The following PPP1R12A variants were observed in gnomAD, a reference collection of about 807,000 sequenced individuals.
The protein encoded by PPP1R12A is myosin binding subunit.
PPP1R12A carries 19 observed loss-of-function variants against 139.6 expected under a neutral mutation model. The ratio of observed to expected loss-of-function variants is 0.14; its 90% confidence interval spans 0.09 to 0.20. PPP1R12A has a LOEUF of 0.20. Among genes scored for constraint, PPP1R12A ranks in the 10% least tolerant of loss-of-function variants. The pLI is 1.00. For synonymous variants in PPP1R12A, 427 were observed against 420.6 expected, an observed-to-expected ratio of 1.02 and a Z score of -0.19; for missense variants, 925 against 1,211.5, an observed-to-expected ratio of 0.76 and a Z score of 3.51.
At chr12:79,840,633 T>C (rs189728808) in intron 3 of PPP1R12A, among the ~76,000 whole-genome samples, 45 of 152,336 alleles carry the variant, frequency 3.0e-4, no homozygotes, top group Non-Finnish European at 6.2e-4. Context: ...CATATCTGCA[T>C]TCAATTCTTT....
intron 4 of PPP1R12A, among the ~76,000 whole-genome samples, chr12:79,829,259 A>G (rs1877136313): frequency 6.6e-6 from 1 of 152,160 alleles, no homozygotes; most frequent in South Asian, 2.1e-4. Flanking sequence ...CAGGTGAACG[A>G]ACACTAAATA....
intron 2 of PPP1R12A, among the ~76,000 whole-genome samples, chr12:79,855,067 T>C (rs963825975): frequency 6.6e-6 from 1 of 151,992 alleles, no homozygotes; most frequent in Non-Finnish European, 1.5e-5. Context: ...CCGCTCACTG[T>C]AAGCTCCGCC....
chr12:79,797,309 T>C lies in PPP1R12A; in HGVS notation c.2178A>G (p.Glu726=). Residue 726 remains glutamate, a synonymous_variant, in exon 16 of 25, where the codon GAA becomes GAG. Transcript: ENST00000450142. The part of the protein sequence containing the change: ...STRTREQENE[E]KEKEEKEKQD... Reference sequence around the variant, plus strand: ...GTTTCTCTTTTTCCTCTTTTTCTTTTTCTTCATTTTCTTGTTCTCTGGTTC... The same window carrying C: ...GTTTCTCTTTTTCCTCTTTTTCTTTCTCTTCATTTTCTTGTTCTCTGGTTC... The C allele has an allele frequency of 1.3e-6, 2 of 1,594,362 alleles. No individual in the cohort carries two copies. Among genetic ancestry groups the C allele is most frequent in the Non-Finnish European group, 1.7e-6 (2 of 1,168,988 alleles).
intron 5 of PPP1R12A, among the ~76,000 whole-genome samples, chr12:79,822,550 A>G (rs1356237166): frequency 6.6e-6 from 1 of 152,166 alleles, no homozygotes; most frequent in Admixed American, 6.5e-5. Flanking sequence ...AAGTAGGAAC[A>G]TACCCTTTAG....
chr12:79,924,816 A>G (rs1007359799), intron 1 of PPP1R12A, among the ~76,000 whole-genome samples: 4 of 152,270 alleles, frequency 2.6e-5, no homozygotes, highest in African/African-American at 9.6e-5. Flanking sequence ...ATCAAAATCT[A>G]GAACACAAAT....
At chr12:79,792,681 CCAGA>C (rs1265047914) in intron 19 of PPP1R12A, among the ~76,000 whole-genome samples, 1 of 152,064 alleles carries the variant, frequency 6.6e-6, no homozygotes, top group African/African-American at 2.4e-5. Context: ...ACTTTAAAAG[CCAGA>C]CAATCTCCCT....
At chr12:79,828,286 A>G in intron 5 of PPP1R12A, 34 bp downstream of exon 5, 1 of 1,559,914 alleles carries the variant, frequency 6.4e-7, no homozygotes, top group South Asian at 1.2e-5. Flanking sequence ...TATTTCTAAA[A>G]GTTAAAGTAT....
intron 2 of PPP1R12A, among the ~76,000 whole-genome samples, chr12:79,866,753 T>C (rs1016181369): frequency 6.6e-6 from 1 of 152,028 alleles, no homozygotes; most frequent in Non-Finnish European, 1.5e-5. Context: ...GAAATGCAAA[T>C]CAAAACCACA....
At chr12:79,779,268 T>C (rs999045764) in intron 23 of PPP1R12A, 23 of 1,251,474 alleles carry the variant, frequency 1.8e-5, no homozygotes, top group African/African-American at 4.6e-5. Context: ...TGGGGTGTTA[T>C]GCAAAAAGCA....
At chr12:79,807,621 T>C (rs1027657486) in intron 11 of PPP1R12A, among the ~76,000 whole-genome samples, 7 of 152,138 alleles carry the variant, frequency 4.6e-5, no homozygotes, top group African/African-American at 1.4e-4. Flanking sequence ...ATCTACTTTA[T>C]AGTATGTTAT....
At chr12:79,849,775 C>T (rs1201459181) in intron 2 of PPP1R12A, among the ~76,000 whole-genome samples, 2 of 152,058 alleles carry the variant, frequency 1.3e-5, no homozygotes, top group African/African-American at 4.8e-5. Context: ...TTAAGCAAAT[C>T]AAAGGTAGTC....
At position 79,775,106 on chromosome 12, in the gene PPP1R12A, C is replaced by T. The variant is rs564926336; in HGVS notation, c.*823G>A. On this transcript the variant is annotated 3_prime_UTR_variant, in exon 25 of 25. Transcript: ENST00000450142. The stretch of plus-strand genomic sequence containing the variant: ...AAAACAATACACTTATTTGTATATA[C>T]AGCATCACTCAGTACCTGCTAAAAT... 1.3e-5 allele frequency: 2 copies of T among 152,546 alleles called. No homozygotes were observed. The highest frequency in any genetic ancestry group is 3.9e-4 in the East Asian group (2 of 5,188). The allele number at this position is 152,546 out of a possible 1,614,324, so 9.4% of individuals were successfully genotyped here.
intron 17 of PPP1R12A, among the ~76,000 whole-genome samples, chr12:79,796,446 T>C (rs1159789186): frequency 6.6e-6 from 1 of 152,136 alleles, no homozygotes; most frequent in African/African-American, 2.4e-5. Context: ...ATCTACACAG[T>C]AGGCAAGAAA....
chr12:79,778,316 ATTT>A (rs1321120063), intron 24 of PPP1R12A: 1 of 302,774 alleles, frequency 3.3e-6, no homozygotes, highest in Non-Finnish European at 6.0e-6. Context: ...TTCGGGTTTT[ATTT>A]TTTATTTTAT....
At chr12:79,795,046 C>T (rs550640310) in intron 18 of PPP1R12A, among the ~76,000 whole-genome samples, 3 of 152,092 alleles carry the variant, frequency 2.0e-5, no homozygotes, top group South Asian at 2.1e-4. Context: ...TAGATATGCT[C>T]CTATTGTGCT....
At chr12:79,813,497 C>T (rs1592654697) in intron 9 of PPP1R12A, among the ~76,000 whole-genome samples, 1 of 152,040 alleles carries the variant, frequency 6.6e-6, no homozygotes, top group African/African-American at 2.4e-5. Context: ...ATTCAATTAA[C>T]CAGAACACTT....
At chr12:79,935,450 A>C (rs1888595664), upstream of PPP1R12A, 1 of 988,302 alleles carries the variant, frequency 1.0e-6, no homozygotes, top group Non-Finnish European at 1.2e-6. Flanking sequence ...TCTACAGGGC[A>C]GATCTGCCTC....
At chr12:79,808,434 T>C (rs1441780595) in intron 11 of PPP1R12A, 49 bp downstream of exon 11, 1 of 1,241,064 alleles carries the variant, frequency 8.1e-7, no homozygotes, top group Non-Finnish European at 1.2e-6. Flanking sequence ...TAATGCTAGA[T>C]AATAAAGATT....
At chr12:79,779,639 T>G in intron 23 of PPP1R12A, 1 of 298,714 alleles carries the variant, frequency 3.3e-6, no homozygotes, top group African/African-American at 2.2e-5. Flanking sequence ...TCATGACAAA[T>G]TCATACAAAT....
Sources: allele counts gnomAD v4.1 joint callset (sites outside exome capture counted in the v4.1 genomes callset), GRCh38; gene constraint gnomAD v4.1.1; transcripts MANE v1.5; gene names NCBI Gene and HGNC (gene_info 2026-07-23, HGNC 2026-07-21).